NMU: variants seen among roughly 807,000 people sequenced by gnomAD.
NMU encodes neuromedin U.
Under a neutral mutation model 35.4 loss-of-function variants are expected in NMU, and 29 were observed. The ratio of observed to expected loss-of-function variants is 0.82; its 90% CI spans 0.61 to 1.12. The LOEUF (loss-of-function observed/expected upper bound fraction) is 1.12. Among genes scored for constraint, NMU ranks in the 50% most tolerant of loss-of-function variants. The pLI, the probability that NMU is intolerant of heterozygous loss-of-function variation, is 0.00. For missense variants in NMU, 199 were observed against 206.2 expected, an observed-to-expected ratio of 0.97 and a Z score of 0.21; for synonymous variants, 78 against 81.3, an observed-to-expected ratio of 0.96 and a Z score of 0.22.
intron 2 of NMU, among the ~76,000 whole-genome samples, chr4:55,628,574 C>G (rs1209660637): frequency 6.6e-6 from 1 of 152,114 alleles, no homozygotes; most frequent in Non-Finnish European, 1.5e-5. Flanking sequence ...TCTCGGCTCA[C>G]TGCAACCTCC....
intron 6 of NMU, among the ~76,000 whole-genome samples, chr4:55,607,000 G>T (rs1733708119): frequency 6.6e-6 from 1 of 151,832 alleles, no homozygotes; most frequent in Non-Finnish European, 1.5e-5. Context: ...TTTAAATTTT[G>T]TTTTATTTAT....
intron 2 of NMU, among the ~76,000 whole-genome samples, chr4:55,616,864 C>T (rs888554489): frequency 1.3e-5 from 2 of 152,146 alleles, no homozygotes; most frequent in African/African-American, 4.8e-5. Context: ...CACTAGATCT[C>T]TCCCATGAAA....
rs1224324198 is a variant in NMU at position 55,611,702 on chromosome 4, TA to T, written c.220-2524del. ...CATAGTGTGTTACAACTGCCCACAA[TA>T]TTCAGTACAGTAATGTGCTGTACAG... On this transcript the variant is annotated intron_variant, in intron 3 of 9. Coordinates refer to ENST00000264218, the MANE Select transcript of NMU (RefSeq NM_006681.4). Among the ~76,000 whole-genome samples the T allele has an allele frequency of 1.3e-4, 20 of 152,200 alleles. No homozygotes were observed. The East Asian group carries it at 3.7e-3, about 28-fold the overall frequency.
At chr4:55,602,282 T>A (rs1733459224) in intron 7 of NMU, among the ~76,000 whole-genome samples, 2 of 152,204 alleles carry the variant, frequency 1.3e-5, no homozygotes. Context: ...CTTCAAGAAT[T>A]CAAAATATTT....
In NMU at chr4:55,610,464, G is replaced by GA. The variant is rs769375732; in HGVS notation, c.220-1286dup. 1.1e-3 allele frequency among the ~76,000 whole-genome samples: 144 copies of GA among 132,274 alleles called. 1 individual carries two copies. The highest frequency in any genetic ancestry group is 1.2e-3 in the Non-Finnish European group (73 of 61,434). The allele number at this position is 132,274 out of a possible 152,430, so 86.8% of individuals were successfully genotyped here. A position where few individuals can be genotyped will look rare whatever the true frequency, so the allele number is the denominator to read the frequency against. ...GGTGATGGAGTGAGACTCTGTCTCA[G>GA]AAAAAAAAAAAAAAGAAAGACATAT... On this transcript the variant is annotated intron_variant, in intron 3 of 9. Coordinates refer to ENST00000264218, the MANE Select transcript of NMU (RefSeq NM_006681.4).
intron 8 of NMU, among the ~76,000 whole-genome samples, chr4:55,599,821 C>T (rs183788392): frequency 6.6e-6 from 1 of 152,254 alleles, no homozygotes; most frequent in East Asian, 1.9e-4. Flanking sequence ...GTGCATTTCA[C>T]ACAGTACTTT....
chr4:55,613,094 G>A (rs1254366680), intron 3 of NMU, among the ~76,000 whole-genome samples: 1 of 152,108 alleles, frequency 6.6e-6, no homozygotes, highest in African/African-American at 2.4e-5. Context: ...ATAAGTAGGA[G>A]CTAAACACGG....
chr4:55,619,113 C>G (rs1257604855), intron 2 of NMU, among the ~76,000 whole-genome samples: 1 of 152,108 alleles, frequency 6.6e-6, no homozygotes, highest in East Asian at 1.9e-4. Context: ...AAGTGATCCT[C>G]CTGCTGCCTC....
intron 3 of NMU, among the ~76,000 whole-genome samples, chr4:55,613,056 G>A (rs576886450): frequency 6.6e-6 from 1 of 152,266 alleles, no homozygotes; most frequent in South Asian, 2.1e-4. Flanking sequence ...CATAGGAACA[G>A]AAAACCAAAT....
chr4:55,610,765 C>T (rs2110195217), intron 3 of NMU, among the ~76,000 whole-genome samples: 1 of 152,244 alleles, frequency 6.6e-6, no homozygotes, highest in South Asian at 2.1e-4. Context: ...CACATAAGGG[C>T]ATGTCAGTCA....
intron 7 of NMU, among the ~76,000 whole-genome samples, chr4:55,604,721 C>T (rs1168064144): frequency 2.1e-4 from 13 of 60,846 alleles, no homozygotes; most frequent in Non-Finnish European, 3.4e-4. Context: ...TTAGTAGGGA[C>T]GGGGTTTCGC....
intron 2 of NMU, among the ~76,000 whole-genome samples, chr4:55,618,963 G>T: frequency 6.8e-6 from 1 of 147,192 alleles, no homozygotes; most frequent in South Asian, 2.1e-4. Context: ...TTGACTTCTT[G>T]GGCTCAAGTG....
In NMU at chr4:55,604,638, G is replaced by A. The variant is rs1445541811; in HGVS notation, c.435+637C>T. On this transcript the variant is annotated intron_variant, in intron 7 of 9. Transcript: ENST00000264218. Reference sequence around the variant, plus strand: ...AAGCGATTCTTGTGCCTCAGTCTCCGAGTACCTGGGATTACAGGCATGCGC... The same window carrying A: ...AAGCGATTCTTGTGCCTCAGTCTCCAAGTACCTGGGATTACAGGCATGCGC... Among the ~76,000 whole-genome samples, 6 of 102,350 alleles carry A rather than the reference G, an allele frequency of 5.9e-5. No homozygotes were observed. The East Asian group carries it at 1.0e-3, about 17-fold the overall frequency. 67.1% of individuals were successfully genotyped at this position (102,350 alleles called of 152,430 possible). A position where few individuals can be genotyped will look rare whatever the true frequency, so the allele number is the denominator to read the frequency against.
chr4:55,607,180 C>A, intron 6 of NMU, 118 bp downstream of exon 6: 1 of 689,558 alleles, frequency 1.5e-6, no homozygotes, highest in East Asian at 2.7e-5. Context: ...CCTTTACTCA[C>A]ATATAAACTT....
chr4:55,632,813 T>C (rs1436513109), intron 1 of NMU, among the ~76,000 whole-genome samples: 1 of 152,066 alleles, frequency 6.6e-6, no homozygotes, highest in East Asian at 1.9e-4. Context: ...CACCGCCTCA[T>C]CAGAACCATG....
chr4:55,613,005 A>C (rs892677537), intron 3 of NMU, among the ~76,000 whole-genome samples: 1 of 152,198 alleles, frequency 6.6e-6, no homozygotes, highest in Non-Finnish European at 1.5e-5. Flanking sequence ...CCTTTGCAGC[A>C]ACATGGATGG....
Position 55,616,373 on chromosome 4 carries a change from A to G in NMU, c.184T>C (p.Cys62Arg). ...LQLWNEIDDTCSSFLSIDSQP... is the reference protein window; with the variant it reads ...LQLWNEIDDTRSSFLSIDSQP... Reference sequence around the variant, plus strand: ...GAATCAATGGACAGAAAAGACGAACAAGTATCATCTATCTGTAGAAAACAA... The same window carrying G: ...GAATCAATGGACAGAAAAGACGAACGAGTATCATCTATCTGTAGAAAACAA... The change falls in exon 3 of 10, where the codon TGT becomes CGT. Residue 62 changes from cysteine (C) to arginine (R), a missense_variant. Physicochemically the swap from Cys to Arg is radical, Grantham distance 180 (BLOSUM62 -3). Transcript: ENST00000264218. 6.2e-7 allele frequency: 1 copy of G among 1,611,740 alleles called. No homozygotes were observed. The highest frequency in any genetic ancestry group is 8.5e-7 in the Non-Finnish European group (1 of 1,177,836).
intron 1 of NMU, among the ~76,000 whole-genome samples, chr4:55,630,661 C>T (rs1243983135): frequency 1.3e-5 from 2 of 152,186 alleles, no homozygotes; most frequent in East Asian, 1.9e-4. Flanking sequence ...AGATATTACT[C>T]TCAAGAACGA....
chr4:55,631,642 A>G (rs1167952170), intron 1 of NMU, among the ~76,000 whole-genome samples: 2 of 152,234 alleles, frequency 1.3e-5, no homozygotes, highest in African/African-American at 4.8e-5. Flanking sequence ...AAGAACAGCC[A>G]TAATTAAAAA....
Sources: gnomAD v4.1 joint callset for allele counts (sites outside exome capture counted in the v4.1 genomes callset) on GRCh38, gnomAD v4.1.1 for gene constraint, MANE v1.5 for transcripts, NCBI Gene and HGNC (gene_info 2026-07-23, HGNC 2026-07-21) for gene names.